The following MAGI1 variants were observed in gnomAD, a reference collection of about 807,000 sequenced individuals.
The protein encoded by MAGI1 is membrane-associated guanylate kinase, WW and PDZ domain-containing protein 1.
Under a neutral mutation model 139.9 loss-of-function variants are expected in MAGI1, and 58 were observed. The ratio of observed to expected loss-of-function variants is 0.41; its 90% CI spans 0.34 to 0.52. The LOEUF is 0.52. Ranked by LOEUF, MAGI1 falls within the 20% of genes least tolerant of loss-of-function variation. The pLI, the probability that MAGI1 is intolerant of heterozygous loss-of-function variation, is 0.12. For synonymous variants in MAGI1, 812 were observed against 737.9 expected, an observed-to-expected ratio of 1.10 and a Z score of -1.63; for missense variants, 1,874 against 1,901.6, an observed-to-expected ratio of 0.99 and a Z score of 0.27.
At chr3:65,551,301 T>G (rs193063319) in intron 2 of MAGI1, among the ~76,000 whole-genome samples, 16 of 151,922 alleles carry the variant, frequency 1.1e-4, no homozygotes, top group Non-Finnish European at 1.8e-4. Context: ...CCACTTTCCT[T>G]TTTTATTTTT....
chr3:65,572,746 T>G (rs780971804), intron 2 of MAGI1, among the ~76,000 whole-genome samples: 23 of 152,126 alleles, frequency 1.5e-4, no homozygotes, highest in Non-Finnish European at 3.2e-4. Flanking sequence ...AGTATTATTA[T>G]GTTCATCTTA....
intron 19 of MAGI1, 38 bp from the exon 20 acceptor site, chr3:65,364,763 T>A (rs746750023): frequency 1.9e-6 from 3 of 1,608,852 alleles, no homozygotes; most frequent in Non-Finnish European, 2.6e-6. Context: ...GAGCAACCCA[T>A]TAGCAAACTG....
At chr3:65,690,252 G>C (rs6808623) in intron 1 of MAGI1, among the ~76,000 whole-genome samples, 2,710 of 152,224 alleles carry the variant, frequency 0.018, 35 homozygotes, top group Non-Finnish European at 0.027. Flanking sequence ...TGAATACAGA[G>C]GAAGAGAAAA....
chr3:65,863,303 T>G (rs777743685), intron 1 of MAGI1, among the ~76,000 whole-genome samples: 1 of 152,232 alleles, frequency 6.6e-6, no homozygotes, highest in Admixed American at 6.5e-5. Flanking sequence ...TTATGATATA[T>G]AGCCAAGTGT....
intron 1 of MAGI1, among the ~76,000 whole-genome samples, chr3:66,006,784 G>C (rs1020277530): frequency 6.6e-6 from 1 of 151,440 alleles, no homozygotes; most frequent in Non-Finnish European, 1.5e-5. Flanking sequence ...TTGGTTTAGC[G>C]GTCCTCTCTT....
At chr3:65,624,119 A>T (rs2083834888) in intron 1 of MAGI1, among the ~76,000 whole-genome samples, 1 of 152,226 alleles carries the variant, frequency 6.6e-6, no homozygotes, top group South Asian at 2.1e-4. Context: ...AAAGACTGAA[A>T]GTATCAAGTG....
At chr3:65,902,682 C>T (rs1413103215) in intron 1 of MAGI1, 1 of 152,688 alleles carries the variant, frequency 6.5e-6, no homozygotes, top group African/African-American at 2.4e-5. Context: ...CGGGGCGGAT[C>T]CTGCCAAGTC....
intron 22 of MAGI1, chr3:65,359,072 G>C (rs767672531): frequency 6.2e-7 from 1 of 1,613,806 alleles, no homozygotes; most frequent in African/African-American, 1.3e-5. Flanking sequence ...ACCGTAGTTT[G>C]ATTATGGCCC....
At chr3:65,476,188 T>C (rs1398125505) in intron 4 of MAGI1, among the ~76,000 whole-genome samples, 1 of 152,146 alleles carries the variant, frequency 6.6e-6, no homozygotes, top group Non-Finnish European at 1.5e-5. Flanking sequence ...TGAGTTAGTG[T>C]ATGACAGATT....
intron 5 of MAGI1, among the ~76,000 whole-genome samples, chr3:65,468,367 CTTTTTTTTTTTTTTTTT>C (rs71102860): frequency 1.6e-5 from 1 of 61,366 alleles, no homozygotes; most frequent in Non-Finnish European, 2.8e-5. Context: ...AGAGGGTATT[CTTTTTTTTTTTTTTTTT>C]TTTTTTTTTT....
At chr3:65,912,236 C>CAAAA (rs35498262) in intron 1 of MAGI1, among the ~76,000 whole-genome samples, 5,423 of 130,842 alleles carry the variant, frequency 0.041, 155 homozygotes, top group Non-Finnish European at 0.063. Context: ...ACTCTGATCT[C>CAAAA]AAAAAAAAAA....
intron 12 of MAGI1, among the ~76,000 whole-genome samples, chr3:65,415,411 C>T (rs1258697000): frequency 6.6e-6 from 1 of 152,166 alleles, no homozygotes; most frequent in Non-Finnish European, 1.5e-5. Flanking sequence ...CTTATTCCAT[C>T]GTCATGACAG....
At chr3:65,607,379 C>T (rs1178855500) in intron 2 of MAGI1, among the ~76,000 whole-genome samples, 2 of 151,958 alleles carry the variant, frequency 1.3e-5, no homozygotes, top group Admixed American at 6.6e-5. Flanking sequence ...GCAGGCAATG[C>T]TTCTGTTAAC....
At chr3:65,383,766 C>G in intron 14 of MAGI1, 143 bp from the exon 15 acceptor site, 1 of 675,202 alleles carries the variant, frequency 1.5e-6, no homozygotes, top group Non-Finnish European at 2.6e-6. Flanking sequence ...ACAAAATACT[C>G]TGAACAGGTG....
intron 1 of MAGI1, among the ~76,000 whole-genome samples, chr3:65,952,221 T>A (rs1018093301): frequency 7.2e-4 from 110 of 152,300 alleles, no homozygotes; most frequent in Middle Eastern, 3.4e-3. Context: ...TAATGCCTGA[T>A]GAATCTGTGT....
intron 1 of MAGI1, among the ~76,000 whole-genome samples, chr3:65,885,564 C>A (rs2060496640): frequency 6.6e-6 from 1 of 151,936 alleles, no homozygotes; most frequent in Non-Finnish European, 1.5e-5. Context: ...ATGGAGGGAC[C>A]CAGTGGGAGG....
intron 1 of MAGI1, among the ~76,000 whole-genome samples, chr3:65,701,930 C>A (rs183016104): frequency 6.6e-6 from 1 of 152,074 alleles, no homozygotes; most frequent in Non-Finnish European, 1.5e-5. Flanking sequence ...GCTTATCAAG[C>A]GCTATGCAAA....
At chr3:65,473,063 G>A (rs761684564) in intron 4 of MAGI1, among the ~76,000 whole-genome samples, 2 of 152,064 alleles carry the variant, frequency 1.3e-5, no homozygotes, top group Non-Finnish European at 2.9e-5. Context: ...TCTACTTCAC[G>A]GGGTTGTGGG....
At chr3:65,741,356 A>G (rs1417148573) in intron 1 of MAGI1, among the ~76,000 whole-genome samples, 1 of 152,000 alleles carries the variant, frequency 6.6e-6, no homozygotes, top group Non-Finnish European at 1.5e-5. Flanking sequence ...TTGTATTTTT[A>G]GTAGAGACAG....
Sources: gnomAD v4.1 joint callset for allele counts (sites outside exome capture counted in the v4.1 genomes callset) on GRCh38, gnomAD v4.1.1 for gene constraint, MANE v1.5 for transcripts, NCBI Gene and HGNC (gene_info 2026-07-23, HGNC 2026-07-21) for gene names.